Variants in IQGAP2 observed in about 807,000 individuals in gnomAD.
IQGAP2 encodes the protein ras GTPase-activating-like protein IQGAP2.
In IQGAP2, 173 loss-of-function variants were observed where a neutral mutation model predicts 201.3. That is an observed-to-expected ratio of 0.86 (90% confidence interval 0.76 to 0.98). The LOEUF is 0.98. Among genes scored for constraint, IQGAP2 ranks in the 50% least tolerant of loss-of-function variants. The probability of loss-of-function intolerance (pLI) is 0.00; values close to 1 mark genes in which losing one functional copy is unlikely to be tolerated. For synonymous variants in IQGAP2, 675 were observed against 673.9 expected, an observed-to-expected ratio of 1.00 and a Z score of -0.03; for missense variants, 1,687 against 1,864.8, an observed-to-expected ratio of 0.90 and a Z score of 1.76.
intron 13 of IQGAP2, among the ~76,000 whole-genome samples, chr5:76,614,102 G>C (rs992299943): frequency 6.6e-6 from 1 of 152,146 alleles, no homozygotes; most frequent in African/African-American, 2.4e-5. Context: ...AGCCACATGG[G>C]GGTTTGTCTT....
chr5:76,671,745 T>C lies in IQGAP2; in HGVS notation c.2844-14T>C. On this transcript the variant is annotated splice_polypyrimidine_tract_variant and intron_variant, in intron 23 of 35. Transcript: ENST00000274364. ...TGGAAGCAAACCATTTTGTTTTGTCTTGGGCTTTTTTAGATCAAAAGTGGA... is the reference window on the plus strand; with the variant it reads ...TGGAAGCAAACCATTTTGTTTTGTCCTGGGCTTTTTTAGATCAAAAGTGGA... 3 of 1,587,254 alleles carry C rather than the reference T, an allele frequency of 1.9e-6. No homozygotes were observed. The highest frequency in any genetic ancestry group is 2.6e-6 in the Non-Finnish European group (3 of 1,157,998).
intron 13 of IQGAP2, chr5:76,617,462 T>A (rs1561514821): frequency 1.4e-6 from 1 of 711,442 alleles, no homozygotes; most frequent in African/African-American, 1.8e-5. Flanking sequence ...TTTGTAATGT[T>A]TGACCTTTGA....
intron 1 of IQGAP2, among the ~76,000 whole-genome samples, chr5:76,442,963 G>C (rs1375365312): frequency 1.3e-5 from 2 of 152,086 alleles, no homozygotes; most frequent in Non-Finnish European, 2.9e-5. Flanking sequence ...CTCCAGCCTG[G>C]GTGACAGAGT....
At chr5:76,595,768 A>AAG (rs142088212) in intron 9 of IQGAP2, among the ~76,000 whole-genome samples, 10,986 of 144,084 alleles carry the variant, frequency 0.076, 424 homozygotes, top group Non-Finnish European at 0.094. Context: ...CAAAAAAAGA[A>AAG]AGAGAGAGAG....
chr5:76,585,372 T>C (rs961134169), intron 5 of IQGAP2, among the ~76,000 whole-genome samples: 1 of 152,204 alleles, frequency 6.6e-6, no homozygotes, highest in Non-Finnish European at 1.5e-5. Flanking sequence ...ACTTTTTTTA[T>C]AGTTTTCTTT....
At chr5:76,654,035 G>T (rs1004549632) in intron 18 of IQGAP2, among the ~76,000 whole-genome samples, 165 bp from the exon 19 acceptor site, 11 of 152,228 alleles carry the variant, frequency 7.2e-5, no homozygotes, top group Admixed American at 2.0e-4. Context: ...GAAAGATGAA[G>T]AGTAGGCTTT....
At chr5:76,538,626 G>A (rs887664811) in intron 2 of IQGAP2, among the ~76,000 whole-genome samples, 1 of 152,180 alleles carries the variant, frequency 6.6e-6, no homozygotes, top group African/African-American at 2.4e-5. Flanking sequence ...CAATTCATTG[G>A]GGCTAAAAAC....
chr5:76,420,374 C>CT lies in IQGAP2; in HGVS notation c.46+16802dup, dbSNP rs36086215. ...CCATCATCACGATCTATCTTTGGAA[C>CT]TTTTTTTTTTTTTTTTTTTGAGACA... On this transcript the variant is annotated intron_variant, in intron 1 of 35. Coordinates refer to ENST00000274364, the MANE Select transcript of IQGAP2 (RefSeq NM_006633.5). Among the ~76,000 whole-genome samples the CT allele has an allele frequency of 4.2e-3, 507 of 122,132 alleles. 7 individuals are homozygous for CT. Among genetic ancestry groups the CT allele is most frequent in the Middle Eastern group, 0.018 (4 of 226 alleles). 80.1% of individuals were successfully genotyped at this position (122,132 alleles called of 152,430 possible).
intron 2 of IQGAP2, among the ~76,000 whole-genome samples, chr5:76,487,043 T>C (rs144558892): frequency 1.3e-5 from 2 of 152,150 alleles, no homozygotes; most frequent in African/African-American, 4.8e-5. Flanking sequence ...TAATATATAA[T>C]AGTGACATTT....
chr5:76,672,899 C>T (rs1288258499), intron 24 of IQGAP2, among the ~76,000 whole-genome samples: 1 of 98,744 alleles, frequency 1.0e-5, no homozygotes, highest in East Asian at 3.0e-4. Context: ...ACTCTGGGGA[C>T]TGTTGTGGGA....
intron 11 of IQGAP2, among the ~76,000 whole-genome samples, chr5:76,605,336 T>C (rs1296841088): frequency 2.0e-5 from 3 of 152,166 alleles, no homozygotes; most frequent in Admixed American, 2.0e-4. Flanking sequence ...TCATAAACAA[T>C]GGGTGAGAGG....
rs73116101 is a variant in IQGAP2, at chr5:76,489,022, G to A, written c.146+27353G>A. 1.8e-3 allele frequency among the ~76,000 whole-genome samples: 275 copies of A among 152,252 alleles called. 3 individuals carry two copies. Among genetic ancestry groups the A allele is most frequent in the African/African-American group, 6.3e-3 (263 of 41,548 alleles). Reference sequence around the variant, plus strand: ...ATTCAGGGTCACACGACTGGAAAAGGCTGACCCCAGATGTAAAGCCAGGCT... The same window carrying A: ...ATTCAGGGTCACACGACTGGAAAAGACTGACCCCAGATGTAAAGCCAGGCT... On this transcript the variant is annotated intron_variant, in intron 2 of 35. Transcript: ENST00000274364.
chr5:76,602,077 T>A (rs1355019421), intron 11 of IQGAP2, among the ~76,000 whole-genome samples: 1 of 152,208 alleles, frequency 6.6e-6, no homozygotes, highest in East Asian at 1.9e-4. Context: ...ACCCTCGTGC[T>A]CTAAAGAGCC....
At chr5:76,452,441 A>G (rs575671083) in intron 1 of IQGAP2, among the ~76,000 whole-genome samples, 2 of 151,606 alleles carry the variant, frequency 1.3e-5, no homozygotes, top group East Asian at 1.9e-4. Context: ...TCTTATTACA[A>G]CCCTGGCATT....
intron 13 of IQGAP2, chr5:76,616,450 T>A (rs1395005963): frequency 2.0e-5 from 3 of 152,332 alleles, no homozygotes; most frequent in African/African-American, 7.3e-5. Flanking sequence ...AACAGTGGAG[T>A]TAGTGGAAAT....
At chr5:76,582,763 A>T (rs974405134) in intron 5 of IQGAP2, among the ~76,000 whole-genome samples, 1 of 151,094 alleles carries the variant, frequency 6.6e-6, no homozygotes, top group Non-Finnish European at 1.5e-5. Context: ...AAGATGGAAA[A>T]ATTTGGTTCA....
intron 33 of IQGAP2, among the ~76,000 whole-genome samples, chr5:76,700,352 C>A (rs1345840585): frequency 6.6e-6 from 1 of 152,148 alleles, no homozygotes; most frequent in Non-Finnish European, 1.5e-5. Context: ...TCTAAAAATA[C>A]AAAAATTCGC....
At chr5:76,510,773 C>A in intron 2 of IQGAP2, 1 of 464,472 alleles carries the variant, frequency 2.2e-6, no homozygotes. Context: ...GCAGTAACCA[C>A]CTCCTTGGCA....
At chr5:76,686,299 T>G (rs146224808) in intron 30 of IQGAP2, among the ~76,000 whole-genome samples, 3,432 of 151,392 alleles carry the variant, frequency 0.023, 56 homozygotes, top group Middle Eastern at 0.037. Context: ...CACAAATGTT[T>G]TTTTTTTTTT....
Sources: allele counts gnomAD v4.1 joint callset (sites outside exome capture counted in the v4.1 genomes callset), GRCh38; gene constraint gnomAD v4.1.1; transcripts MANE v1.5; gene names NCBI Gene and HGNC (gene_info 2026-07-23, HGNC 2026-07-21).